EPG5: variants seen among roughly 807,000 people sequenced by gnomAD.
EPG5 encodes the protein ectopic P granules protein 5 homolog.
A neutral mutation model predicts 302.7 loss-of-function variants in EPG5; 159 were observed. The ratio of observed to expected loss-of-function variants is 0.53; its 90% CI spans 0.46 to 0.60. The LOEUF (loss-of-function observed/expected upper bound fraction) is 0.60. Among genes scored for constraint, EPG5 ranks in the 20% least tolerant of loss-of-function variants. The probability of loss-of-function intolerance (pLI) is 0.00; values close to 1 mark genes in which losing one functional copy is unlikely to be tolerated. For missense variants in EPG5, 2,896 were observed against 3,092.4 expected, an observed-to-expected ratio of 0.94 and a Z score of 1.51; for synonymous variants, 1,158 against 1,136.8, an observed-to-expected ratio of 1.02 and a Z score of -0.37.
At chr18:45,958,723 A>T (rs2051084376) in intron 1 of EPG5, among the ~76,000 whole-genome samples, 1 of 152,246 alleles carries the variant, frequency 6.6e-6, no homozygotes, top group African/African-American at 2.4e-5. Context: ...AAAACAAAAA[A>T]ATCTTTATAA....
At chr18:45,842,068 C>G in the EPG5 span, 1 of 1,601,880 alleles carries the variant, frequency 6.2e-7, no homozygotes, top group Non-Finnish European at 8.6e-7. Flanking sequence ...GGACCTCCCA[C>G]CTGTTTGGAT....
chr18:45,937,572 A>C (rs2050567876), intron 10 of EPG5, among the ~76,000 whole-genome samples: 1 of 150,914 alleles, frequency 6.6e-6, no homozygotes, highest in South Asian at 2.1e-4. Context: ...ACGCCCAGCT[A>C]ATTTTTGTAT....
chr18:45,910,469 A>G lies in EPG5; in HGVS notation c.4205+52T>C, dbSNP rs974872252. 58 of 1,371,356 alleles carry G rather than the reference A, an allele frequency of 4.2e-5. No individual in the cohort carries two copies. The African/African-American group carries it at 6.1e-4, about 14-fold the overall frequency. The allele number at this position is 1,371,356 out of a possible 1,614,324, so 84.9% of individuals were successfully genotyped here. A position where few individuals can be genotyped will look rare whatever the true frequency, so the allele number is the denominator to read the frequency against. On this transcript the variant is annotated intron_variant, in intron 23 of 43. Coordinates refer to ENST00000282041, the MANE Select transcript of EPG5 (RefSeq NM_020964.3). ...TTGTAACACAGTTAACTGCTCCAGC[A>G]TAGTACCTGTGCTGCAAACAACAAT...
intron 16 of EPG5, among the ~76,000 whole-genome samples, chr18:45,918,435 T>C (rs2050079797): frequency 6.6e-6 from 1 of 152,224 alleles, no homozygotes; most frequent in African/African-American, 2.4e-5. Context: ...TTTCAAAGTT[T>C]AGATTTTCAG....
At chr18:45,955,516 T>C (rs558296249) in intron 1 of EPG5, among the ~76,000 whole-genome samples, 178 bp from the exon 2 acceptor site, 1 of 152,354 alleles carries the variant, frequency 6.6e-6, no homozygotes, top group Non-Finnish European at 1.5e-5. Context: ...ATGTGTTTCA[T>C]ATTTCGTATT....
At position 45,954,467 on chromosome 18, in the gene EPG5, A is replaced by G. The variant is rs1223321091; in HGVS notation, c.935T>C (p.Leu312Pro). 1 of 1,614,234 alleles carries G rather than the reference A, an allele frequency of 6.2e-7. No individual in the cohort carries two copies. The highest frequency in any genetic ancestry group is 1.1e-5 in the South Asian group (1 of 91,086). Residue 312 changes from leucine (L) to proline (P), a missense_variant, in exon 2 of 44, where the codon CTT becomes CCT. By Grantham distance (98) the Leu-to-Pro change is moderately conservative. Transcript: ENST00000282041. ...KQLLLAEAEL[L>P]TLTSDCQNAK... ...ATTTTGGCAATCAGATGTCAGAGTAAGCAGCTCAGCTTCAGCCAGCAGCAG... is the reference window on the plus strand; with the variant it reads ...ATTTTGGCAATCAGATGTCAGAGTAGGCAGCTCAGCTTCAGCCAGCAGCAG...
chr18:45,814,288 A>G, the EPG5 span, among the ~76,000 whole-genome samples: 1 of 152,250 alleles, frequency 6.6e-6, no homozygotes, highest in Non-Finnish European at 1.5e-5. Flanking sequence ...GTTGAAGGGC[A>G]TTCTGCAAGA....
the EPG5 span, among the ~76,000 whole-genome samples, chr18:45,834,962 G>T: frequency 6.6e-6 from 1 of 152,140 alleles, no homozygotes; most frequent in African/African-American, 2.4e-5. Context: ...CCTTCAGACA[G>T]GGTTTCTCAA....
intron 2 of EPG5, chr18:45,953,349 T>TC (rs886728922): frequency 3.0e-5 from 30 of 985,178 alleles, no homozygotes; most frequent in Non-Finnish European, 3.6e-5. Context: ...TCTTCATAGT[T>TC]CTACTCAAGA....
intron 10 of EPG5, among the ~76,000 whole-genome samples, chr18:45,938,461 C>CA (rs201985053): frequency 0.21 from 18,818 of 88,378 alleles, 1,864 homozygotes; most frequent in East Asian, 0.37. Flanking sequence ...GACTCCATCT[C>CA]AAAAAAAAAA....
chr18:45,878,862 A>G, intron 33 of EPG5, 151 bp downstream of exon 33: 1 of 638,776 alleles, frequency 1.6e-6, no homozygotes, highest in Non-Finnish European at 2.7e-6. Flanking sequence ...ATATTGTGAC[A>G]TATATGACAC....
chr18:45,932,305 T>C (rs1185114442), intron 11 of EPG5, among the ~76,000 whole-genome samples: 1 of 152,196 alleles, frequency 6.6e-6, no homozygotes, highest in East Asian at 1.9e-4. Flanking sequence ...TCTACAGTTA[T>C]TTATCATCAG....
chr18:45,958,044 G>T (rs2051068354), intron 1 of EPG5, among the ~76,000 whole-genome samples: 1 of 152,210 alleles, frequency 6.6e-6, no homozygotes, highest in Admixed American at 6.5e-5. Context: ...ATTTTAGTGA[G>T]TTGACAATCA....
At chr18:45,835,461 C>T in the EPG5 span, among the ~76,000 whole-genome samples, 20 of 152,064 alleles carry the variant, frequency 1.3e-4, no homozygotes, top group Admixed American at 1.3e-3. Flanking sequence ...AGCAGTCTAT[C>T]AATCAAAAGG....
Position 45,967,187 on chromosome 18 carries a change from G to C in EPG5, c.53C>G (p.Thr18Ser), listed in dbSNP as rs1212906696. The stretch of plus-strand genomic sequence containing the variant: ...GGGGGAGATCCTCACCTTTGTTTTA[G>C]TCCGGCTGGCCTTGGCCTTGGCCCG... Reference protein sequence around the residue: ...QRRAKAKASRTKTKEKKKYET... With the variant: ...QRRAKAKASRSKTKEKKKYET... The change falls in exon 1 of 44, where the codon ACT (threonine) becomes AGT (serine). Residue 18 changes from threonine (T) to serine (S), a missense_variant. Around this residue, in one of 5 missense-constraint regions of EPG5, gnomAD observed 1,390 missense variants for 1,430.0 expected, o/e 0.97. Coordinates refer to ENST00000282041, the MANE Select transcript of EPG5 (RefSeq NM_020964.3). The C allele has an allele frequency of 6.2e-7, 1 of 1,603,782 alleles. No homozygotes were observed. Among genetic ancestry groups the C allele is most frequent in the Non-Finnish European group, 8.5e-7 (1 of 1,175,272 alleles).
chr18:45,913,520 T>C (rs2049959013), intron 21 of EPG5, among the ~76,000 whole-genome samples, 186 bp downstream of exon 21: 2 of 152,240 alleles, frequency 1.3e-5, no homozygotes, highest in Admixed American at 6.5e-5. Flanking sequence ...GCTGAGACTC[T>C]TGTTAAACAA....
At chr18:45,919,077 G>C (rs1229266381) in intron 16 of EPG5, among the ~76,000 whole-genome samples, 1 of 152,058 alleles carries the variant, frequency 6.6e-6, no homozygotes, top group African/African-American at 2.4e-5. Context: ...AAAAATGATG[G>C]ATGAAAATAA....
chr18:45,953,247 G>T lies in EPG5; in HGVS notation c.1009-604C>A, dbSNP rs184348138. On this transcript the variant is annotated intron_variant, in intron 2 of 43. Transcript: ENST00000282041. Reference sequence around the variant, plus strand: ...TGTCCCTAAGACTTTCATGATTGATGATCTTACCTTCTATTTTATGAATAT... The same window carrying T: ...TGTCCCTAAGACTTTCATGATTGATTATCTTACCTTCTATTTTATGAATAT... The T allele has an allele frequency of 5.9e-5, 57 of 966,078 alleles. 1 individual carries two copies. The East Asian group carries it at 5.1e-3, about 86-fold the overall frequency. 59.8% of individuals were successfully genotyped at this position (966,078 alleles called of 1,614,324 possible).
At chr18:45,966,789 T>C (rs1263876115) in intron 1 of EPG5, among the ~76,000 whole-genome samples, 2 of 152,322 alleles carry the variant, frequency 1.3e-5, no homozygotes, top group Middle Eastern at 3.4e-3. Context: ...ACATTCCCTC[T>C]TTATGCATGG....
Sources: allele counts gnomAD v4.1 joint callset (sites outside exome capture counted in the v4.1 genomes callset), GRCh38; gene constraint gnomAD v4.1.1; regional missense constraint gnomAD v4.1.1; transcripts MANE v1.5; gene names NCBI Gene and HGNC (gene_info 2026-07-23, HGNC 2026-07-21).